The following KCND3 variants were observed in gnomAD, a reference collection of about 807,000 sequenced individuals.
KCND3 encodes the protein A-type voltage-gated potassium channel KCND3.
A neutral mutation model predicts 51.1 loss-of-function variants in KCND3; 9 were observed. That is an observed-to-expected ratio of 0.18 (90% CI 0.11 to 0.31). KCND3 has a LOEUF of 0.31. Among genes scored for constraint, KCND3 ranks in the 10% least tolerant of loss-of-function variants. The pLI is 1.00. For synonymous variants in KCND3, 349 were observed against 368.0 expected, an observed-to-expected ratio of 0.95 and a Z score of 0.59; for missense variants, 526 against 903.8, an observed-to-expected ratio of 0.58 and a Z score of 5.36.
At chr1:111,913,064 C>T (rs912134190) in intron 2 of KCND3, among the ~76,000 whole-genome samples, 3 of 152,198 alleles carry the variant, frequency 2.0e-5, no homozygotes, top group South Asian at 2.1e-4. Context: ...TCCAGTTCTG[C>T]AAGCATCATA....
At chr1:111,819,683 C>A (rs774412445) in intron 2 of KCND3, among the ~76,000 whole-genome samples, 2 of 152,138 alleles carry the variant, frequency 1.3e-5, no homozygotes, top group South Asian at 2.1e-4. Context: ...CTGCAAGACG[C>A]CCTGTGAAAG....
chr1:111,825,836 T>C (rs1666547217), intron 2 of KCND3, among the ~76,000 whole-genome samples: 1 of 152,236 alleles, frequency 6.6e-6, no homozygotes, highest in Non-Finnish European at 1.5e-5. Flanking sequence ...TTTTTGCTTA[T>C]ACAAATATTA....
chr1:111,854,978 C>T (rs551488187), intron 2 of KCND3, among the ~76,000 whole-genome samples: 1 of 152,298 alleles, frequency 6.6e-6, no homozygotes, highest in South Asian at 2.1e-4. Flanking sequence ...CCCCGGCATC[C>T]TGTCACAGAG....
At position 111,810,723 on chromosome 1, in the gene KCND3, C is replaced by T. The variant is rs1033980202; in HGVS notation, c.1107-23617G>A. Among the ~76,000 whole-genome samples, 8 of 152,286 alleles carry T rather than the reference C, an allele frequency of 5.3e-5. No homozygotes were observed. In the East Asian group the frequency reaches 5.8e-4, roughly 11 times the overall value. On this transcript the variant is annotated intron_variant, in intron 2 of 7. Transcript: ENST00000302127. The stretch of plus-strand genomic sequence containing the variant: ...AGGAGCTGGTTTCAGGCTGTCAGCT[C>T]GAGGCTTTAATAACACAAAAGGCAA...
At chr1:111,809,698 A>T (rs1665759752) in intron 2 of KCND3, among the ~76,000 whole-genome samples, 1 of 152,034 alleles carries the variant, frequency 6.6e-6, no homozygotes, top group Non-Finnish European at 1.5e-5. Flanking sequence ...CACGCCTGCA[A>T]ATGCTTGCAT....
intron 2 of KCND3, among the ~76,000 whole-genome samples, chr1:111,816,868 A>G (rs77204210): frequency 0.018 from 2,736 of 152,240 alleles, 74 homozygotes; most frequent in African/African-American, 0.061. Flanking sequence ...AACTACATGC[A>G]CTCACACCTA....
chr1:111,786,810 C>T lies in KCND3; in HGVS notation c.1269+134G>A, dbSNP rs1234930876. The T allele has an allele frequency of 5.7e-6, 6 of 1,054,190 alleles. No individual in the cohort carries two copies. In the African/African-American group the frequency reaches 7.8e-5, roughly 14 times the overall value. 65.3% of individuals were successfully genotyped at this position (1,054,190 alleles called of 1,614,324 possible). On this transcript the variant is annotated intron_variant, in intron 3 of 7. Coordinates refer to ENST00000302127, the MANE Select transcript of KCND3 (RefSeq NM_001378969.1). Reference sequence around the variant, plus strand: ...CAGGAGACTGGTGAGCAGGAAGGGACTGAAGCTACCTTACCTTGCAAAGCC... The same window carrying T: ...CAGGAGACTGGTGAGCAGGAAGGGATTGAAGCTACCTTACCTTGCAAAGCC...
intron 2 of KCND3, among the ~76,000 whole-genome samples, chr1:111,916,915 T>G (rs1375324161): frequency 6.6e-6 from 1 of 152,206 alleles, no homozygotes; most frequent in East Asian, 1.9e-4. Flanking sequence ...GTTAAATCTT[T>G]CCACAAATAA....
At chr1:111,921,374 A>G (rs1182674865) in intron 2 of KCND3, among the ~76,000 whole-genome samples, 1 of 152,224 alleles carries the variant, frequency 6.6e-6, no homozygotes, top group Non-Finnish European at 1.5e-5. Context: ...GCTTGGGTCA[A>G]GGCCAGGCGG....
chr1:111,856,937 C>A (rs925993738), intron 2 of KCND3: 2 of 152,208 alleles, frequency 1.3e-5, no homozygotes, highest in Non-Finnish European at 2.9e-5. Context: ...AACTGGAGCA[C>A]AATTAAAGCA....
rs375534565 is a variant in KCND3, at chr1:111,890,358, G to A, written c.1106+91263C>T. On this transcript the variant is annotated intron_variant, in intron 2 of 7. Coordinates refer to ENST00000302127, the MANE Select transcript of KCND3 (RefSeq NM_001378969.1). ...ATATGGGCGTGAGATTAACAGAGGC[G>A]TCAAAGCTGACTCTAAGGCTTTTGG... 1.3e-3 allele frequency among the ~76,000 whole-genome samples: 205 copies of A among 152,236 alleles called. 2 individuals carry two copies. Among genetic ancestry groups the A allele is most frequent in the South Asian group, 2.7e-3 (13 of 4,820 alleles).
At chr1:111,988,006 G>A (rs2102017832) in intron 1 of KCND3, among the ~76,000 whole-genome samples, 1 of 152,276 alleles carries the variant, frequency 6.6e-6, no homozygotes, top group Middle Eastern at 3.4e-3. Flanking sequence ...GCCAAAAGGG[G>A]GTGGAGTGAC....
chr1:111,818,683 C>T (rs1424338362), intron 2 of KCND3, among the ~76,000 whole-genome samples: 1 of 152,210 alleles, frequency 6.6e-6, no homozygotes, highest in African/African-American at 2.4e-5. Flanking sequence ...AGTTTCCCTT[C>T]TTTGCTCCAT....
intron 2 of KCND3, among the ~76,000 whole-genome samples, chr1:111,930,269 C>T (rs1426320694): frequency 1.3e-5 from 2 of 152,064 alleles, no homozygotes. Context: ...TTGATAAATC[C>T]TGGGGCTGGA....
At chr1:111,799,183 C>T (rs1027195649) in intron 2 of KCND3, among the ~76,000 whole-genome samples, 2 of 141,278 alleles carry the variant, frequency 1.4e-5, no homozygotes, top group African/African-American at 2.7e-5. Flanking sequence ...TCAGGATTCC[C>T]ATAGATTAAG....
intron 2 of KCND3, among the ~76,000 whole-genome samples, chr1:111,792,695 G>A (rs542527475): frequency 5.9e-5 from 9 of 152,160 alleles, no homozygotes; most frequent in African/African-American, 1.9e-4. Flanking sequence ...TAGTACCTAC[G>A]TCACAGGGTT....
chr1:111,846,701 C>T (rs1472590788), intron 2 of KCND3, among the ~76,000 whole-genome samples: 1 of 152,222 alleles, frequency 6.6e-6, no homozygotes, highest in Non-Finnish European at 1.5e-5. Flanking sequence ...TCACAATGAC[C>T]TTTTACAGAG....
At chr1:111,926,456 G>A (rs775062709) in intron 2 of KCND3, among the ~76,000 whole-genome samples, 6 of 152,262 alleles carry the variant, frequency 3.9e-5, no homozygotes, top group Non-Finnish European at 7.3e-5. Flanking sequence ...TGGCAGGCCT[G>A]GGGTTCAAAT....
chr1:111,803,420 A>G (rs1302363856), intron 2 of KCND3, among the ~76,000 whole-genome samples: 1 of 152,150 alleles, frequency 6.6e-6, no homozygotes, highest in Admixed American at 6.5e-5. Context: ...CTGTGCTGAG[A>G]TATGCTAGGA....
Sources: allele counts gnomAD v4.1 joint callset (sites outside exome capture counted in the v4.1 genomes callset), GRCh38; gene constraint gnomAD v4.1.1; transcripts MANE v1.5; gene names NCBI Gene and HGNC (gene_info 2026-07-23, HGNC 2026-07-21).